TLCD4: variants seen among roughly 807,000 people sequenced by gnomAD.
The protein encoded by TLCD4 is TLC domain-containing protein 4.
TLCD4 carries 7 observed loss-of-function variants against 24.2 expected under a neutral mutation model. The observed-to-expected ratio is 0.29, with a 90% CI of 0.16 to 0.54. The LOEUF is 0.54. Ranked by LOEUF, TLCD4 falls within the 20% of genes least tolerant of loss-of-function variation. The pLI is 0.95. For synonymous variants in TLCD4, 103 were observed against 106.4 expected, an observed-to-expected ratio of 0.97 and a Z score of 0.20; for missense variants, 259 against 313.9, an observed-to-expected ratio of 0.82 and a Z score of 1.32.
In TLCD4 at chr1:95,187,654, G is replaced by C. The variant is rs568785710; in HGVS notation, c.474-3896G>C. On this transcript the variant is annotated intron_variant, in intron 6 of 6. Coordinates refer to ENST00000370203, the MANE Select transcript of TLCD4 (RefSeq NM_152487.3). ...TGTTCACCTGAGGTACTGTTTGTCC[G>C]GTTTCTCCATTTTAAAGTTATTCCT... is the stretch of plus-strand genomic sequence containing the variant. Among the ~76,000 whole-genome samples, 177 of 152,118 alleles carry C rather than the reference G, an allele frequency of 1.2e-3. No homozygotes were observed. The Middle Eastern group carries it at 0.034, about 29-fold the overall frequency.
chr1:95,191,465 A>C (rs923974992), intron 6 of TLCD4, 85 bp from the exon 7 acceptor site: 2 of 1,489,206 alleles, frequency 1.3e-6, no homozygotes, highest in African/African-American at 2.8e-5. Context: ...CCTTCACTGA[A>C]TTTTAAAATT....
In TLCD4 at chr1:95,143,986, T is replaced by G; in HGVS notation, c.85T>G (p.Trp29Gly). ...GCTTCTTTTCTACTTTGTAAGTTACTGGTTTTCAGCAAAAGTTTCTCCAGG... is the reference window on the plus strand; with the variant it reads ...GCTTCTTTTCTACTTTGTAAGTTACGGGTTTTCAGCAAAAGTTTCTCCAGG... ...FQLLFYFVSY[W>G]FSAKVSPGFN... Residue 29 changes from tryptophan (W) to glycine (G), a missense_variant, in exon 2 of 7, where the codon TGG becomes GGG. Trp to Gly is a radical substitution (Grantham distance 184). Transcript: ENST00000370203. The G allele has an allele frequency of 6.3e-7, 1 of 1,576,170 alleles. No individual in the cohort carries two copies. Among genetic ancestry groups the G allele is most frequent in the African/African-American group, 1.4e-5 (1 of 73,262 alleles).
rs367661408 is a variant in TLCD4, at chr1:95,191,906, G to A, written c.*38G>A. Reference sequence around the variant, plus strand: ...GATAAGCAAACTTCATTACTACCCAGCATATCTGCTGATAGGATGAATTCT... The same window carrying A: ...GATAAGCAAACTTCATTACTACCCAACATATCTGCTGATAGGATGAATTCT... On this transcript the variant is annotated 3_prime_UTR_variant, in exon 7 of 7. Coordinates refer to ENST00000370203, the MANE Select transcript of TLCD4 (RefSeq NM_152487.3). 3.8e-5 allele frequency: 60 copies of A among 1,581,610 alleles called. No homozygotes were observed. Among genetic ancestry groups the A allele is most frequent in the Non-Finnish European group, 5.1e-5 (60 of 1,165,770 alleles).
intron 6 of TLCD4, among the ~76,000 whole-genome samples, chr1:95,189,094 G>T (rs886729237): frequency 2.6e-5 from 4 of 152,108 alleles, no homozygotes; most frequent in African/African-American, 9.7e-5. Context: ...TTGCTTGTCT[G>T]AAACCTTTCT....
intron 6 of TLCD4, among the ~76,000 whole-genome samples, chr1:95,178,675 G>T (rs376269670): frequency 1.2e-3 from 170 of 147,116 alleles, no homozygotes; most frequent in African/African-American, 4.2e-3. Context: ...ACTCATATTG[G>T]TGTAAGGGAC....
intron 5 of TLCD4, among the ~76,000 whole-genome samples, chr1:95,152,261 TAAG>T (rs1677514589): frequency 1.3e-5 from 2 of 152,070 alleles, no homozygotes; most frequent in East Asian, 3.8e-4. Flanking sequence ...TCATTGACTA[TAAG>T]AAGGTTTTTT....
chr1:95,165,197 A>G (rs1222697219), intron 5 of TLCD4: 1 of 152,204 alleles, frequency 6.6e-6, no homozygotes, highest in African/African-American at 2.4e-5. Flanking sequence ...CTCAAATGAT[A>G]CCTAAGAAAG....
At chr1:95,131,435 G>A (rs1676887514) in intron 1 of TLCD4, among the ~76,000 whole-genome samples, 1 of 152,212 alleles carries the variant, frequency 6.6e-6, no homozygotes, top group Non-Finnish European at 1.5e-5. Flanking sequence ...GAGGGCAGGT[G>A]CCAACTGAGG....
chr1:95,115,730 G>C (rs767550153), upstream of TLCD4, among the ~76,000 whole-genome samples: 1 of 152,210 alleles, frequency 6.6e-6, no homozygotes, highest in Non-Finnish European at 1.5e-5. Flanking sequence ...GTTGGTGTTA[G>C]AGAATTATGC....
chr1:95,178,556 C>T (rs993017476), intron 6 of TLCD4, among the ~76,000 whole-genome samples: 3 of 142,612 alleles, frequency 2.1e-5, no homozygotes, highest in Admixed American at 7.2e-5. Context: ...AGCCACCATG[C>T]CCAGCCCTTT....
rs1315516967 is a variant in TLCD4 at position 95,193,359 on chromosome 1, A to C, written c.*1491A>C. ...GTTTTGCTTTTACTTTAATTCTTGC[A>C]ATCCAAATATAGAATTATATATTTA... On this transcript the variant is annotated 3_prime_UTR_variant, in exon 7 of 7. Coordinates refer to ENST00000370203, the MANE Select transcript of TLCD4 (RefSeq NM_152487.3). The C allele has an allele frequency of 1.3e-5, 2 of 152,152 alleles. No homozygotes were observed. The highest frequency in any genetic ancestry group is 2.9e-5 in the Non-Finnish European group (2 of 67,972). 9.4% of individuals were successfully genotyped at this position (152,152 alleles called of 1,614,324 possible). A position where few individuals can be genotyped will look rare whatever the true frequency, so the allele number is the denominator to read the frequency against.
At chr1:95,161,553 G>GCTTC (rs1677808694) in intron 5 of TLCD4, among the ~76,000 whole-genome samples, 1 of 151,964 alleles carries the variant, frequency 6.6e-6, no homozygotes, top group Non-Finnish European at 1.5e-5. Flanking sequence ...AGCTTTTGAA[G>GCTTC]TGTTTGCTCT....
chr1:95,110,495 T>A, the TLCD4 span, among the ~76,000 whole-genome samples: 442 of 152,224 alleles, frequency 2.9e-3, 1 homozygote, highest in African/African-American at 0.01. Flanking sequence ...ATTCATTGAA[T>A]GTAACAGAGC....
At chr1:95,175,456 CT>C (rs778642888) in intron 6 of TLCD4, among the ~76,000 whole-genome samples, 14 of 152,216 alleles carry the variant, frequency 9.2e-5, no homozygotes, top group Non-Finnish European at 1.8e-4. Context: ...ATTGAGATTA[CT>C]TGCACCCCTG....
intron 3 of TLCD4, among the ~76,000 whole-genome samples, chr1:95,149,500 A>G (rs908158402): frequency 6.6e-6 from 1 of 152,148 alleles, no homozygotes; most frequent in Admixed American, 6.6e-5. Flanking sequence ...GACCACCACC[A>G]TTTGACTGCA....
intron 5 of TLCD4, 94 bp from the exon 6 acceptor site, chr1:95,173,722 T>C: frequency 3.9e-6 from 6 of 1,527,584 alleles, no homozygotes; most frequent in Non-Finnish European, 5.4e-6. Flanking sequence ...TTGATTGTTA[T>C]ATTATGCTGA....
upstream of TLCD4, among the ~76,000 whole-genome samples, chr1:95,113,402 G>C (rs1261020918): frequency 6.6e-6 from 1 of 152,244 alleles, no homozygotes; most frequent in East Asian, 1.9e-4. Flanking sequence ...GGAAGCATGA[G>C]GGCAAAGTTG....
Position 95,191,783 on chromosome 1 carries a change from A to G in TLCD4, c.707A>G (p.Lys236Arg), listed in dbSNP as rs369810294. The change falls in exon 7 of 7, where the codon AAA becomes AGA. Residue 236 changes from lysine to arginine, a missense_variant. Coordinates refer to ENST00000370203, the MANE Select transcript of TLCD4 (RefSeq NM_152487.3). ...LDVMNVMWMIKISKGCIKVIS... is the reference protein window; with the variant it reads ...LDVMNVMWMIRISKGCIKVIS... ...GTGATGAATGTCATGTGGATGATCA[A>G]AATTTCAAAAGGTTGCATCAAAGTC... 43 of 1,614,098 alleles carry G rather than the reference A, an allele frequency of 2.7e-5. No homozygotes were observed. Among genetic ancestry groups the G allele is most frequent in the African/African-American group, 2.7e-5 (2 of 74,936 alleles).
At chr1:95,141,929 A>C (rs1378394765) in intron 1 of TLCD4, among the ~76,000 whole-genome samples, 2 of 152,004 alleles carry the variant, frequency 1.3e-5, no homozygotes, top group African/African-American at 4.8e-5. Flanking sequence ...GTTGGAAGGG[A>C]ATGAAGTGGG....
Sources: allele counts gnomAD v4.1 joint callset (sites outside exome capture counted in the v4.1 genomes callset), GRCh38; gene constraint gnomAD v4.1.1; transcripts MANE v1.5; gene names NCBI Gene and HGNC (gene_info 2026-07-23, HGNC 2026-07-21).